Variants in PTRHD1 observed in about 807,000 individuals in gnomAD.
PTRHD1 encodes the protein putative peptidyl-tRNA hydrolase PTRHD1.
A neutral mutation model predicts 13.6 loss-of-function variants in PTRHD1; 12 were observed. That is an observed-to-expected ratio of 0.88 (90% CI 0.57 to 1.43). PTRHD1 has a LOEUF of 1.43. Ranked by LOEUF, PTRHD1 falls within the 40% of genes most tolerant of loss-of-function variation. The probability of loss-of-function intolerance (pLI) is 0.00; values close to 1 mark genes in which losing one functional copy is unlikely to be tolerated. For synonymous variants in PTRHD1, 86 were observed against 79.5 expected (o/e 1.08, Z -0.43); for missense variants, 203 against 184.7 (o/e 1.10, Z -0.57).
Position 24,793,147 on chromosome 2 carries a change from G to A in PTRHD1, c.231C>T (p.Arg77=), listed in dbSNP as rs752676531. The change falls in exon 1 of 2, where the codon CGC becomes CGT. Residue 77 remains arginine, a synonymous_variant. Coordinates refer to ENST00000328379, the MANE Select transcript of PTRHD1 (RefSeq NM_001013663.2). ...HTAAYLQELG[R]MRKVVLEAPD... ...TCACCTCGAGGACCACTTTGCGCAT[G>A]CGCCCCAGCTCTTGGAGGTAAGCGG... is the stretch of plus-strand genomic sequence containing the variant. The A allele has an allele frequency of 1.2e-6, 2 of 1,612,944 alleles. No individual in the cohort carries two copies. The highest frequency in any genetic ancestry group is 2.2e-5 in the East Asian group (1 of 44,864).
chr2:24,790,187 A>G lies in PTRHD1; in HGVS notation c.*224T>C, dbSNP rs1665591824. The G allele has an allele frequency of 4.0e-6, 2 of 499,292 alleles. No homozygotes were observed. The highest frequency in any genetic ancestry group is 6.2e-5 in the South Asian group (2 of 32,088). 30.9% of individuals were successfully genotyped at this position (499,292 alleles called of 1,614,324 possible). On this transcript the variant is annotated 3_prime_UTR_variant, in exon 2 of 2. Transcript: ENST00000328379. ...GAGCCCCACAGGAGAGTCTAACCAA[A>G]TCTTCTATTTGAGCAATGATCCCCA...
At chr2:24,791,220 C>T (rs67722327) in intron 1 of PTRHD1, among the ~76,000 whole-genome samples, 13,435 of 152,150 alleles carry the variant, frequency 0.088, 770 homozygotes, top group East Asian at 0.27. Context: ...CCACCATGCC[C>T]GGCCCCTAGT....
At chr2:24,790,846 A>G (rs1665605934) in intron 1 of PTRHD1, among the ~76,000 whole-genome samples, 1 of 151,990 alleles carries the variant, frequency 6.6e-6, no homozygotes, top group Admixed American at 6.6e-5. Flanking sequence ...ATTCTGCTCT[A>G]TACATTTTCC....
Position 24,790,470 on chromosome 2 carries a change from G to T in PTRHD1, c.364C>A (p.Arg122=), listed in dbSNP as rs753386543. 1 of 1,614,170 alleles carries T rather than the reference G, an allele frequency of 6.2e-7. No individual in the cohort carries two copies. The highest frequency in any genetic ancestry group is 8.5e-7 in the Non-Finnish European group (1 of 1,180,034). Reference sequence around the variant, plus strand: ...CCCACTTCTTCCTTGGGGTAGGGCCGGAGAGCAATACAAGTGGCGATATTC... The same window carrying T: ...CCCACTTCTTCCTTGGGGTAGGGCCTGAGAGCAATACAAGTGGCGATATTC... ...PENIATCIAL[R]PYPKEEVGQY... Residue 122 remains arginine, a synonymous_variant, in exon 2 of 2, where the codon CGG becomes AGG. Transcript: ENST00000328379.
intron 1 of PTRHD1, 59 bp from the exon 2 acceptor site, chr2:24,790,640 C>A: frequency 2.0e-6 from 3 of 1,525,702 alleles, no homozygotes; most frequent in South Asian, 2.5e-5. Context: ...TGTCAAAAGG[C>A]CAAAAAAGGT....
At chr2:24,793,060 A>ACCGAAGACCACACCCACTTCCGC in intron 1 of PTRHD1, 66 bp downstream of exon 1, 2 of 1,539,724 alleles carry the variant, frequency 1.3e-6, no homozygotes, top group Admixed American at 1.8e-5. Flanking sequence ...AGGCCTTCGG[A>ACCGAAGACCACACCCACTTCCGC]CCGAAGACCA....
chr2:24,790,545 T>G lies in PTRHD1; in HGVS notation c.289A>C (p.Thr97Pro). The G allele has an allele frequency of 6.2e-7, 1 of 1,614,100 alleles. No homozygotes were observed. Among genetic ancestry groups the G allele is most frequent in the Admixed American group, 1.7e-5 (1 of 60,000 alleles). Residue 97 changes from threonine to proline, a missense_variant, in exon 2 of 2, where the codon ACC becomes CCC. By Grantham distance (38) the Thr-to-Pro change is conservative (BLOSUM62 -1). Transcript: ENST00000328379. The stretch of plus-strand genomic sequence containing the variant: ...TGGTCAATGTTCTTCTGTTGCAGGG[T>G]CTCGGCCAGCTCCTTTAGGGTGGTC... ...DETTLKELAE[T>P]LQQKNIDHML...
At chr2:24,791,208 A>G (rs1308069770) in intron 1 of PTRHD1, among the ~76,000 whole-genome samples, 1 of 152,158 alleles carries the variant, frequency 6.6e-6, no homozygotes, top group African/African-American at 2.4e-5. Flanking sequence ...TACAGGAGTG[A>G]GCCACCATGC....
At chr2:24,791,175 T>C (rs1384021019) in intron 1 of PTRHD1, among the ~76,000 whole-genome samples, 1 of 152,114 alleles carries the variant, frequency 6.6e-6, no homozygotes. Flanking sequence ...TCCACCCACC[T>C]AAGCCTCCCA....
Position 24,790,355 on chromosome 2 carries a change from A to G in PTRHD1, c.*56T>C. The G allele has an allele frequency of 6.4e-7, 1 of 1,573,330 alleles. No individual in the cohort carries two copies. Among genetic ancestry groups the G allele is most frequent in the Non-Finnish European group, 8.7e-7 (1 of 1,155,828 alleles). ...ACGGGAGCAAGCTGACACTGCAAGGAACACATGATGCTTTGGAATGGGTGG... is the reference window on the plus strand; with the variant it reads ...ACGGGAGCAAGCTGACACTGCAAGGGACACATGATGCTTTGGAATGGGTGG... On this transcript the variant is annotated 3_prime_UTR_variant, in exon 2 of 2. Coordinates refer to ENST00000328379, the MANE Select transcript of PTRHD1 (RefSeq NM_001013663.2).
Position 24,790,549 on chromosome 2 carries a change from G to A in PTRHD1, c.285C>T (p.Ala95=), listed in dbSNP as rs149361405. ...APDETTLKEL[A]ETLQQKNIDH... is the part of the protein sequence containing the mutation. ...CAATGTTCTTCTGTTGCAGGGTCTC[G>A]GCCAGCTCCTTTAGGGTGGTCTCAT... Residue 95 remains alanine (A), a synonymous_variant, in exon 2 of 2, where the codon GCC becomes GCT. Transcript: ENST00000328379. 8.1e-5 allele frequency: 130 copies of A among 1,613,918 alleles called. No homozygotes were observed. In the African/African-American group the frequency reaches 1.2e-3, roughly 15 times the overall value.
chr2:24,792,700 A>G (rs1261532383), intron 1 of PTRHD1: 1 of 184,734 alleles, frequency 5.4e-6, no homozygotes, highest in African/African-American at 2.4e-5. Context: ...TGCCTGGTCT[A>G]GCTGAAGCTA....
intron 1 of PTRHD1, chr2:24,792,803 T>A (rs977793405): frequency 4.4e-6 from 2 of 453,170 alleles, no homozygotes; most frequent in African/African-American, 3.9e-5. Flanking sequence ...CTTTGCACTG[T>A]CCCTTCGGGC....
At chr2:24,790,821 CAT>C (rs1349138901) in intron 1 of PTRHD1, among the ~76,000 whole-genome samples, 1 of 152,214 alleles carries the variant, frequency 6.6e-6, no homozygotes, top group African/African-American at 2.4e-5. Context: ...CCAACACACA[CAT>C]GTGTAATGTG....
At chr2:24,792,994 T>G in intron 1 of PTRHD1, 132 bp downstream of exon 1, 3 of 1,102,456 alleles carry the variant, frequency 2.7e-6, no homozygotes, top group South Asian at 3.1e-5. Flanking sequence ...GGGAAACAGC[T>G]CCAGTCTAAA....
intron 1 of PTRHD1, 68 bp downstream of exon 1, chr2:24,793,058 G>T: frequency 1.3e-6 from 2 of 1,539,346 alleles, no homozygotes; most frequent in Non-Finnish European, 1.7e-6. Context: ...CCAGGCCTTC[G>T]GACCGAAGAC....
chr2:24,793,246 C>T lies in PTRHD1; in HGVS notation c.132G>A (p.Ala44=), dbSNP rs201769121. ...GACAAGCCTGCGCTACCAGTGCGCC[C>T]GCCGGCCAGGAGAACGGAGCTTGTG... ...DLSQAPFSWP[A]GALVAQACHA... is the part of the protein sequence containing the mutation. The change falls in exon 1 of 2, where the codon GCG becomes GCA. Residue 44 remains alanine (A), a synonymous_variant. Transcript: ENST00000328379. 42 of 1,613,850 alleles carry T rather than the reference C, an allele frequency of 2.6e-5. No individual in the cohort carries two copies. Among genetic ancestry groups the T allele is most frequent in the Non-Finnish European group, 3.5e-5 (41 of 1,180,030 alleles).
Position 24,791,389 on chromosome 2 carries a change from G to A in PTRHD1, c.253-808C>T, listed in dbSNP as rs542601000. ...CTAACATCCTTCTGAAATTGTTTCT[G>A]GGTCATCCTTACTGCCAATTCACCC... On this transcript the variant is annotated intron_variant, in intron 1 of 1. Transcript: ENST00000328379. 9.7e-4 allele frequency: 148 copies of A among 152,258 alleles called. 1 individual carries two copies. Among genetic ancestry groups the A allele is most frequent in the African/African-American group, 3.3e-3 (137 of 41,544 alleles). The allele number at this position is 152,258 out of a possible 1,614,324, so 9.4% of individuals were successfully genotyped here. A position where few individuals can be genotyped will look rare whatever the true frequency, so the allele number is the denominator to read the frequency against.
At chr2:24,791,352 G>A (rs2148719899) in intron 1 of PTRHD1, 1 of 152,310 alleles carries the variant, frequency 6.6e-6, no homozygotes, top group South Asian at 2.1e-4. Context: ...TAAAGGGAGA[G>A]TACAATATTC....
Sources: gnomAD v4.1 joint callset for allele counts (sites outside exome capture counted in the v4.1 genomes callset) on GRCh38, gnomAD v4.1.1 for gene constraint, MANE v1.5 for transcripts, NCBI Gene and HGNC (gene_info 2026-07-23, HGNC 2026-07-21) for gene names.